IQCK: variants seen among roughly 807,000 people sequenced by gnomAD.
IQCK encodes the protein IQ motif containing K, also known as IQ domain-containing protein K.
A neutral mutation model predicts 28.1 loss-of-function variants in IQCK; 29 were observed. The ratio of observed to expected loss-of-function variants is 1.03; its 90% CI spans 0.77 to 1.41. The LOEUF is 1.41. IQCK is among the 40% of genes most tolerant of loss of function. The pLI is 0.00. For missense variants in IQCK, 359 were observed against 314.7 expected, an observed-to-expected ratio of 1.14 and a Z score of -1.07; for synonymous variants, 113 against 115.1, an observed-to-expected ratio of 0.98 and a Z score of 0.12.
At chr16:19,856,517 C>G (rs760191327) in exon 10 of IQCK, 53 of 1,614,032 alleles carry the variant, frequency 3.3e-5, no homozygotes, top group Non-Finnish European at 4.3e-5. Context: ...GATGCAGTAC[C>G]TGCAGCCAAG....
Position 19,852,869 on chromosome 16 carries a change from G to T in IQCK, c.803-3618G>T, listed in dbSNP as rs535195368. On this transcript the variant is annotated intron_variant, in intron 9 of 9. Coordinates refer to the IQCK transcript ENST00000320394. ...GATCTCCTGATCTCGTGATCTGCCC[G>T]CCTCAGCCTCCCAATGTGCTGGGAT... is the stretch of plus-strand genomic sequence containing the variant. Among the ~76,000 whole-genome samples the T allele has an allele frequency of 2.0e-5, 3 of 152,212 alleles. No homozygotes were observed. The South Asian group carries it at 6.2e-4, about 32-fold the overall frequency.
At chr16:19,767,114 C>G (rs756579396) in intron 6 of IQCK, among the ~76,000 whole-genome samples, 1 of 152,160 alleles carries the variant, frequency 6.6e-6, no homozygotes, top group African/African-American at 2.4e-5. Flanking sequence ...GCTCAAACCT[C>G]TAGGGGAGCA....
chr16:19,757,361 G>C (rs552220855), intron 4 of IQCK, among the ~76,000 whole-genome samples: 4 of 152,152 alleles, frequency 2.6e-5, no homozygotes, highest in Non-Finnish European at 4.4e-5. Context: ...ATACTGTCTG[G>C]ATTGAACCGC....
At chr16:19,735,532 C>A in intron 4 of IQCK, 82 bp downstream of exon 4, 1 of 1,176,924 alleles carries the variant, frequency 8.5e-7, no homozygotes, top group South Asian at 1.2e-5. Flanking sequence ...ATCTTGGTAC[C>A]ATCAGGTTGT....
At chr16:19,845,671 A>C (rs1262479518) in intron 9 of IQCK, among the ~76,000 whole-genome samples, 1 of 152,260 alleles carries the variant, frequency 6.6e-6, no homozygotes, top group Non-Finnish European at 1.5e-5. Context: ...TATGAATAAC[A>C]CATAAACTAA....
intron 6 of IQCK, among the ~76,000 whole-genome samples, chr16:19,769,066 TAA>T (rs2055282316): frequency 1.3e-5 from 2 of 152,166 alleles, no homozygotes; most frequent in Admixed American, 1.3e-4. Context: ...TTGGAGGCCT[TAA>T]GTTTTCCCCA....
chr16:19,781,344 A>G (rs1048183702), intron 6 of IQCK, among the ~76,000 whole-genome samples: 4 of 152,170 alleles, frequency 2.6e-5, no homozygotes, highest in African/African-American at 9.6e-5. Context: ...CTGGACACGT[A>G]TGCAGCTTCA....
At chr16:19,733,701 G>T (rs1399526024) in exon 3 of IQCK, 1 of 1,613,944 alleles carries the variant, frequency 6.2e-7, no homozygotes, top group Admixed American at 1.7e-5. Flanking sequence ...CCTCCAGGTT[G>T]CGCCAGTAGA....
At position 19,822,670 on chromosome 16, in the gene IQCK, T is replaced by C. The variant is rs889480119; in HGVS notation, c.691-4356T>C. Among the ~76,000 whole-genome samples, 16 of 152,048 alleles carry C rather than the reference T, an allele frequency of 1.1e-4. 1 individual carries two copies. Among genetic ancestry groups the C allele is most frequent in the African/African-American group, 3.6e-4 (15 of 41,422 alleles). On this transcript the variant is annotated intron_variant, in intron 7 of 7. Transcript: ENST00000564186. ...TATGGAGACTACAGTAGGTCTGTGG[T>C]TGGCTGGGGTAGAGAGAGGGGAGAA... is the stretch of plus-strand genomic sequence containing the variant.
chr16:19,736,303 T>C, intron 4 of IQCK: 1 of 387,920 alleles, frequency 2.6e-6, no homozygotes, highest in South Asian at 1.9e-5. Flanking sequence ...TTGCTCTGTT[T>C]TCAGGCTGGG....
At chr16:19,850,871 G>A (rs576852951) in intron 9 of IQCK, among the ~76,000 whole-genome samples, 1 of 152,082 alleles carries the variant, frequency 6.6e-6, no homozygotes, top group Non-Finnish European at 1.5e-5. Context: ...AAATATATTA[G>A]CCAGGCATGG....
intron 4 of IQCK, among the ~76,000 whole-genome samples, chr16:19,756,731 A>G (rs2055057471): frequency 6.6e-6 from 1 of 152,064 alleles, no homozygotes; most frequent in African/African-American, 2.4e-5. Context: ...CCCCATCTCT[A>G]CTAAAACTAC....
chr16:19,805,744 T>A (rs529846338), intron 7 of IQCK, among the ~76,000 whole-genome samples: 1 of 152,258 alleles, frequency 6.6e-6, no homozygotes, highest in Non-Finnish European at 1.5e-5. Context: ...AACCAGGCAT[T>A]GCAGTAAAGA....
chr16:19,780,324 G>A (rs917434421), intron 6 of IQCK, among the ~76,000 whole-genome samples: 2 of 152,136 alleles, frequency 1.3e-5, no homozygotes, highest in Non-Finnish European at 2.9e-5. Flanking sequence ...TTACAAGCAT[G>A]AGCCACTGTG....
chr16:19,785,314 AG>A (rs1004607252), intron 6 of IQCK, among the ~76,000 whole-genome samples: 1 of 152,152 alleles, frequency 6.6e-6, no homozygotes, highest in African/African-American at 2.4e-5. Context: ...GCCCCTGGCT[AG>A]GGGTATACTG....
intron 4 of IQCK, 58 bp from the exon 5 acceptor site, chr16:19,763,790 G>T: frequency 3.0e-6 from 4 of 1,334,776 alleles, no homozygotes; most frequent in Non-Finnish European, 4.3e-6. Flanking sequence ...GACCTGTGCA[G>T]TTCAAATCCA....
intron 6 of IQCK, among the ~76,000 whole-genome samples, chr16:19,778,549 C>T (rs568128136): frequency 6.6e-6 from 1 of 152,042 alleles, no homozygotes; most frequent in Admixed American, 6.6e-5. Flanking sequence ...CCCAGCTACT[C>T]CAGAGGCCGA....
At chr16:19,726,719 A>G (rs1389261034) in intron 1 of IQCK, among the ~76,000 whole-genome samples, 4 of 152,230 alleles carry the variant, frequency 2.6e-5, no homozygotes, top group Non-Finnish European at 4.4e-5. Context: ...AAAGTAACTT[A>G]CGATATGGTT....
chr16:19,755,651 G>C (rs1447501216), intron 4 of IQCK, among the ~76,000 whole-genome samples: 1 of 152,180 alleles, frequency 6.6e-6, no homozygotes, highest in East Asian at 1.9e-4. Context: ...CCTGTGCCCT[G>C]AACAGCCATA....
Sources: allele counts gnomAD v4.1 joint callset (sites outside exome capture counted in the v4.1 genomes callset), GRCh38; gene constraint gnomAD v4.1.1; transcripts MANE v1.5; gene names NCBI Gene and HGNC (gene_info 2026-07-23, HGNC 2026-07-21).